Variants in TBC1D4 observed in about 807,000 individuals in gnomAD.
The protein encoded by TBC1D4 is TBC1 domain family member 4.
TBC1D4 carries 121 observed loss-of-function variants against 142.5 expected under a neutral mutation model. The ratio of observed to expected loss-of-function variants is 0.85; its 90% CI spans 0.73 to 0.99. TBC1D4 has a LOEUF of 0.99. Among genes scored for constraint, TBC1D4 ranks in the 50% least tolerant of loss-of-function variants. TBC1D4 has a pLI of 0.00. For synonymous variants in TBC1D4, 630 were observed against 628.2 expected, an observed-to-expected ratio of 1.00 and a Z score of -0.04; for missense variants, 1,475 against 1,606.6, an observed-to-expected ratio of 0.92 and a Z score of 1.40.
intron 1 of TBC1D4, among the ~76,000 whole-genome samples, chr13:75,436,526 C>T (rs1266003980): frequency 6.6e-6 from 1 of 151,892 alleles, no homozygotes; most frequent in Non-Finnish European, 1.5e-5. Flanking sequence ...TGTGGTGGTG[C>T]ATGCCTATAG....
In TBC1D4 at chr13:75,374,858, A is replaced by G. The variant is rs568216923; in HGVS notation, c.499-12251T>C. On this transcript the variant is annotated intron_variant, in intron 1 of 20. Coordinates refer to ENST00000377636, the MANE Select transcript of TBC1D4 (RefSeq NM_014832.5). Reference sequence around the variant, plus strand: ...AAATGACGTATCAGCTATAATAGACACTGTTTTGTCAAAACAGCACCCACT... The same window carrying G: ...AAATGACGTATCAGCTATAATAGACGCTGTTTTGTCAAAACAGCACCCACT... Among the ~76,000 whole-genome samples, 3 of 152,236 alleles carry G rather than the reference A, an allele frequency of 2.0e-5. No individual in the cohort carries two copies. In the East Asian group the frequency reaches 5.8e-4, roughly 29 times the overall value.
intron 4 of TBC1D4, among the ~76,000 whole-genome samples, chr13:75,352,367 G>C (rs1413406852): frequency 6.6e-6 from 1 of 151,678 alleles, no homozygotes; most frequent in African/African-American, 2.4e-5. Context: ...ACAAATTCTG[G>C]GTCTTGGGCA....
chr13:75,343,031 T>C (rs767951738), intron 5 of TBC1D4, among the ~76,000 whole-genome samples: 3 of 152,194 alleles, frequency 2.0e-5, no homozygotes, highest in Non-Finnish European at 4.4e-5. Context: ...TGGCCGAAAA[T>C]ACTTATAATT....
intron 1 of TBC1D4, among the ~76,000 whole-genome samples, chr13:75,454,559 C>A (rs1376126428): frequency 1.3e-5 from 2 of 152,176 alleles, no homozygotes; most frequent in Non-Finnish European, 2.9e-5. Flanking sequence ...AAGATGTTAT[C>A]AGATCCAAAA....
At position 75,481,867 on chromosome 13, in the gene TBC1D4, C is replaced by A; in HGVS notation, c.-100G>T. The stretch of plus-strand genomic sequence containing the variant: ...GCCGAAACTGTGCCAACTGCCGCAC[C>A]GGGCTCCCGCGCCTGCCTGGGAGCG... On this transcript the variant is annotated 5_prime_UTR_variant, in exon 1 of 21. Transcript: ENST00000377636. The A allele has an allele frequency of 7.3e-7, 1 of 1,366,964 alleles. No homozygotes were observed. Among genetic ancestry groups the A allele is most frequent in the Non-Finnish European group, 9.4e-7 (1 of 1,066,434 alleles). 84.7% of individuals were successfully genotyped at this position (1,366,964 alleles called of 1,614,324 possible).
chr13:75,343,992 C>A (rs903599215), intron 5 of TBC1D4, among the ~76,000 whole-genome samples: 1 of 152,024 alleles, frequency 6.6e-6, no homozygotes. Context: ...AGGTGCCCAC[C>A]ACCATGCCCA....
chr13:75,449,559 G>A (rs866418628), intron 1 of TBC1D4, among the ~76,000 whole-genome samples: 6 of 135,494 alleles, frequency 4.4e-5, no homozygotes, highest in Middle Eastern at 8.5e-3. Flanking sequence ...ACACACAGAC[G>A]CGCACACACA....
chr13:75,360,500 C>T (rs1203026219), intron 2 of TBC1D4, among the ~76,000 whole-genome samples: 4 of 129,472 alleles, frequency 3.1e-5, no homozygotes, highest in Non-Finnish European at 7.0e-5. Context: ...CACACTGCTG[C>T]ACTCCAGCCT....
intron 1 of TBC1D4, among the ~76,000 whole-genome samples, chr13:75,401,983 C>T (rs1885116170): frequency 1.3e-5 from 2 of 152,174 alleles, no homozygotes; most frequent in Admixed American, 1.3e-4. Context: ...CAAACACAAA[C>T]TCTGCTTGGA....
At chr13:75,398,720 T>G (rs1010840075) in intron 1 of TBC1D4, among the ~76,000 whole-genome samples, 1 of 152,112 alleles carries the variant, frequency 6.6e-6, no homozygotes, top group African/African-American at 2.4e-5. Flanking sequence ...AGCAAAAGAT[T>G]TTTACAGTAT....
In TBC1D4 at chr13:75,442,118, C is replaced by CATACATATATACTATGTATG. The variant is rs1887067054; in HGVS notation, c.498+39151_498+39152insCATACATAGTATATATGTAT. ...ATACTATGTATGTACTCTTTTTAAC[C>CATACATATATACTATGTATG]TCCTCAATAATATAGGGTAACCTCA... On this transcript the variant is annotated intron_variant, in intron 1 of 20. Transcript: ENST00000377636. Among the ~76,000 whole-genome samples, 3 of 152,238 alleles carry CATACATATATACTATGTATG rather than the reference C, an allele frequency of 2.0e-5. No homozygotes were observed. The East Asian group carries it at 5.8e-4, about 29-fold the overall frequency.
intron 1 of TBC1D4, among the ~76,000 whole-genome samples, chr13:75,393,999 A>G (rs1343612255): frequency 6.6e-6 from 1 of 152,178 alleles, no homozygotes; most frequent in African/African-American, 2.4e-5. Flanking sequence ...TCTTAGAGGA[A>G]GAATATGAGT....
At chr13:75,406,753 T>C (rs1386192533) in intron 1 of TBC1D4, among the ~76,000 whole-genome samples, 2 of 152,166 alleles carry the variant, frequency 1.3e-5, no homozygotes, top group Non-Finnish European at 2.9e-5. Flanking sequence ...CCATACCAAA[T>C]TGGAAAGGTC....
chr13:75,295,695 C>CTT (rs532817579), intron 17 of TBC1D4, among the ~76,000 whole-genome samples: 109 of 152,128 alleles, frequency 7.2e-4, no homozygotes, highest in African/African-American at 2.5e-3. Context: ...TTTCAGAAAA[C>CTT]ATCATAAAGA....
chr13:75,469,900 G>A (rs1888327916), intron 1 of TBC1D4, among the ~76,000 whole-genome samples: 1 of 152,188 alleles, frequency 6.6e-6, no homozygotes, highest in Admixed American at 6.5e-5. Context: ...ATATATTCAA[G>A]TGCAGATGTC....
chr13:75,316,464 G>T (rs977667249), intron 12 of TBC1D4: 1 of 152,106 alleles, frequency 6.6e-6, no homozygotes, highest in Non-Finnish European at 1.5e-5. Flanking sequence ...CTGAAAAGAA[G>T]AACTTACATA....
rs1247617123 is a variant in TBC1D4, at chr13:75,303,614, C to T, written c.2753-1213G>A. ...GGACACATTGAATCGGCAATGGGTT[C>T]CTTTGCTCCAGCTGGTTAAGGAAAT... On this transcript the variant is annotated intron_variant, in intron 15 of 20. Transcript: ENST00000377636. 3.3e-5 allele frequency among the ~76,000 whole-genome samples: 5 copies of T among 152,290 alleles called. No individual in the cohort carries two copies. In the East Asian group the frequency reaches 7.7e-4, roughly 24 times the overall value.
At chr13:75,372,274 CTT>C (rs5804806) in intron 1 of TBC1D4, among the ~76,000 whole-genome samples, 1 of 147,896 alleles carries the variant, frequency 6.8e-6, no homozygotes, top group Admixed American at 6.7e-5. Flanking sequence ...TTAAGGCTCA[CTT>C]TTTTTTTTTT....
intron 17 of TBC1D4, among the ~76,000 whole-genome samples, chr13:75,295,787 G>A (rs34210944): frequency 0.045 from 6,831 of 152,236 alleles, 182 homozygotes; most frequent in Non-Finnish European, 0.056. Context: ...TGTGAATTGT[G>A]TTTTAATTTA....
Sources: gnomAD v4.1 joint callset for allele counts (sites outside exome capture counted in the v4.1 genomes callset) on GRCh38, gnomAD v4.1.1 for gene constraint, MANE v1.5 for transcripts, NCBI Gene and HGNC (gene_info 2026-07-23, HGNC 2026-07-21) for gene names.